The following SLC2A13 variants were observed in gnomAD, a reference collection of about 807,000 sequenced individuals.
The protein encoded by SLC2A13 is solute carrier family 2 member 13.
In SLC2A13, 32 loss-of-function variants were observed where a neutral mutation model predicts 64.4. The ratio of observed to expected loss-of-function variants is 0.50; its 90% CI spans 0.37 to 0.67. The LOEUF (loss-of-function observed/expected upper bound fraction) is 0.67. Ranked by LOEUF, SLC2A13 falls within the 30% of genes least tolerant of loss-of-function variation. The pLI is 0.00. For missense variants in SLC2A13, 743 were observed against 829.2 expected, an observed-to-expected ratio of 0.90 and a Z score of 1.28; for synonymous variants, 338 against 327.1, an observed-to-expected ratio of 1.03 and a Z score of -0.36.
chr12:40,041,109 C>T (rs1224428564), intron 2 of SLC2A13, among the ~76,000 whole-genome samples: 5 of 152,154 alleles, frequency 3.3e-5, no homozygotes, highest in African/African-American at 4.8e-5. Flanking sequence ...CCCACCACCG[C>T]GCCCGGCTAA....
intron 1 of SLC2A13, among the ~76,000 whole-genome samples, chr12:40,056,892 A>G (rs1948340704): frequency 6.6e-6 from 1 of 152,130 alleles, no homozygotes; most frequent in Non-Finnish European, 1.5e-5. Flanking sequence ...ACCTTGCCTA[A>G]AAAGCAGAAC....
At chr12:40,057,880 T>C (rs1024748138) in intron 1 of SLC2A13, among the ~76,000 whole-genome samples, 2 of 152,146 alleles carry the variant, frequency 1.3e-5, no homozygotes, top group Non-Finnish European at 2.9e-5. Flanking sequence ...TTCCTGTGTC[T>C]GAAACTTAGA....
At chr12:39,868,870 A>T (rs1228494176) in intron 5 of SLC2A13, among the ~76,000 whole-genome samples, 4 of 152,212 alleles carry the variant, frequency 2.6e-5, no homozygotes, top group Non-Finnish European at 5.9e-5. Context: ...ACTTCTTTGT[A>T]TAAAGAGTTC....
In SLC2A13 at chr12:39,896,224, A is replaced by G. The variant is rs192268274; in HGVS notation, c.1035-24263T>C. ...TGTATACATGTATATACGTATACAT[A>G]TATGCATATGTGTATATATGTATAC... On this transcript the variant is annotated intron_variant, in intron 4 of 9. Transcript: ENST00000280871. Among the ~76,000 whole-genome samples the G allele has an allele frequency of 1.7e-3, 246 of 143,966 alleles. 2 individuals are homozygous for G. The highest frequency in any genetic ancestry group is 2.9e-3 in the Non-Finnish European group (189 of 65,750). The allele number at this position is 143,966 out of a possible 152,430, so 94.4% of individuals were successfully genotyped here.
At chr12:39,819,263 G>C (rs1942423223) in intron 7 of SLC2A13, among the ~76,000 whole-genome samples, 1 of 151,944 alleles carries the variant, frequency 6.6e-6, no homozygotes, top group Non-Finnish European at 1.5e-5. Flanking sequence ...ATAAATTCAT[G>C]GTTTACAAAT....
chr12:40,050,163 A>G (rs1948232289), intron 1 of SLC2A13, among the ~76,000 whole-genome samples: 2 of 152,204 alleles, frequency 1.3e-5, no homozygotes, highest in Non-Finnish European at 2.9e-5. Context: ...TTCTTTTACT[A>G]TTAGAACATC....
At chr12:39,821,206 G>A (rs1470413598) in intron 7 of SLC2A13, among the ~76,000 whole-genome samples, 1 of 152,110 alleles carries the variant, frequency 6.6e-6, no homozygotes, top group African/African-American at 2.4e-5. Flanking sequence ...GAGGTCAGGA[G>A]ATCGAGACCA....
At chr12:39,995,756 C>T (rs758497260) in intron 3 of SLC2A13, among the ~76,000 whole-genome samples, 103 of 152,246 alleles carry the variant, frequency 6.8e-4, no homozygotes, top group Non-Finnish European at 1.4e-3. Flanking sequence ...TCATGGGGGG[C>T]AGGTATTTTC....
chr12:40,083,268 T>C (rs1040051406), intron 1 of SLC2A13, among the ~76,000 whole-genome samples: 2 of 152,082 alleles, frequency 1.3e-5, no homozygotes, highest in Non-Finnish European at 2.9e-5. Context: ...TCAGCTCTCT[T>C]CTCCACCACT....
chr12:39,840,028 T>TG, intron 6 of SLC2A13, among the ~76,000 whole-genome samples: 1 of 151,996 alleles, frequency 6.6e-6, no homozygotes, highest in Non-Finnish European at 1.5e-5. Flanking sequence ...TCCATTCTTT[T>TG]TTTTTGTTTT....
chr12:39,788,530 A>G (rs756862089), intron 7 of SLC2A13: 18 of 152,192 alleles, frequency 1.2e-4, no homozygotes, highest in Non-Finnish European at 2.9e-5. Flanking sequence ...TTTAAAACTT[A>G]TAATTGTTTA....
chr12:39,848,082 A>G (rs535451805), intron 6 of SLC2A13, among the ~76,000 whole-genome samples: 107 of 152,270 alleles, frequency 7.0e-4, no homozygotes, highest in African/African-American at 2.2e-3. Flanking sequence ...ACCCTGGAAG[A>G]CAACCTAGGC....
chr12:40,089,698 T>C (rs1938698322), intron 1 of SLC2A13, among the ~76,000 whole-genome samples: 1 of 152,136 alleles, frequency 6.6e-6, no homozygotes, highest in South Asian at 2.1e-4. Context: ...GCTCTAAGAG[T>C]GGATTAACGG....
chr12:40,091,131 T>C (rs1377765179), intron 1 of SLC2A13, among the ~76,000 whole-genome samples: 1 of 152,202 alleles, frequency 6.6e-6, no homozygotes. Flanking sequence ...ATGGTATTTT[T>C]GTATAAACAT....
At chr12:39,803,589 G>T (rs1941876985) in intron 7 of SLC2A13, among the ~76,000 whole-genome samples, 1 of 151,872 alleles carries the variant, frequency 6.6e-6, no homozygotes, top group Non-Finnish European at 1.5e-5. Flanking sequence ...TATATATATA[G>T]AGTCAGAAAA....
At chr12:40,032,410 C>A (rs981757264) in intron 2 of SLC2A13, among the ~76,000 whole-genome samples, 1 of 152,202 alleles carries the variant, frequency 6.6e-6, no homozygotes, top group Non-Finnish European at 1.5e-5. Context: ...ATTTTCTAAA[C>A]TTACAGTTAC....
intron 7 of SLC2A13, among the ~76,000 whole-genome samples, chr12:39,808,266 C>G (rs957376646): frequency 2.6e-5 from 4 of 152,132 alleles, no homozygotes; most frequent in African/African-American, 9.7e-5. Context: ...TACCAGGTTA[C>G]TGGACATATC....
chr12:39,986,510 G>A (rs546853211), intron 3 of SLC2A13, among the ~76,000 whole-genome samples: 12 of 151,616 alleles, frequency 7.9e-5, no homozygotes, highest in Admixed American at 3.3e-4. Flanking sequence ...TAAATACAAC[G>A]AAATGAATTA....
intron 4 of SLC2A13, among the ~76,000 whole-genome samples, chr12:39,919,701 A>T (rs1028640448): frequency 6.6e-6 from 1 of 152,112 alleles, no homozygotes; most frequent in Non-Finnish European, 1.5e-5. Context: ...AGGGGTACTG[A>T]CAATATTTTA....
Sources: allele counts gnomAD v4.1 joint callset (sites outside exome capture counted in the v4.1 genomes callset), GRCh38; gene constraint gnomAD v4.1.1; transcripts MANE v1.5; gene names NCBI Gene and HGNC (gene_info 2026-07-23, HGNC 2026-07-21).